Variants in BLTP1 observed in about 807,000 individuals in gnomAD.
BLTP1 encodes the protein fragile site-associated protein.
chr4:122,263,061 G>A, the BLTP1 span: 3 of 1,458,288 alleles, frequency 2.1e-6, no homozygotes, highest in African/African-American at 4.2e-5. Context: ...AGTTTAGTTA[G>A]ATATATACTT....
At chr4:122,297,584 T>C in the BLTP1 span, among the ~76,000 whole-genome samples, 2 of 152,156 alleles carry the variant, frequency 1.3e-5, no homozygotes, top group Non-Finnish European at 2.9e-5. Context: ...CATAAATCAT[T>C]CTATTGTAAA....
chr4:122,204,911 A>G, the BLTP1 span: 6 of 616,694 alleles, frequency 9.7e-6, no homozygotes, highest in African/African-American at 1.2e-4. Context: ...AATTTGATAA[A>G]TGGAATTTTC....
At chr4:122,251,091 G>A in the BLTP1 span, 1 of 985,188 alleles carries the variant, frequency 1.0e-6, no homozygotes, top group Non-Finnish European at 1.2e-6. Flanking sequence ...CAAATTTTTG[G>A]TTGAAGAAAT....
chr4:122,201,867 C>T, the BLTP1 span: 2 of 984,690 alleles, frequency 2.0e-6, no homozygotes, highest in Non-Finnish European at 2.4e-6. Flanking sequence ...TTGTTTTATA[C>T]AAGCGTCTCA....
At chr4:122,320,944 T>TTTTCTTA in the BLTP1 span, among the ~76,000 whole-genome samples, 56 of 152,050 alleles carry the variant, frequency 3.7e-4, no homozygotes, top group African/African-American at 1.3e-3. Context: ...ATTTTCTGTT[T>TTTTCTTA]TTTCTTAGCA....
chr4:122,215,837 C>CG, the BLTP1 span, among the ~76,000 whole-genome samples: 1 of 150,706 alleles, frequency 6.6e-6, no homozygotes, highest in African/African-American at 2.5e-5. Context: ...ATCCCTCACC[C>CG]CCCCCATCCT....
At chr4:122,299,862 A>G in the BLTP1 span, 2 of 985,098 alleles carry the variant, frequency 2.0e-6, no homozygotes, top group South Asian at 4.7e-5. Flanking sequence ...TAAGTTGAAG[A>G]AAAGAAAATG....
At chr4:122,201,828 A>G in the BLTP1 span, 1 of 970,678 alleles carries the variant, frequency 1.0e-6, no homozygotes, top group Non-Finnish European at 1.2e-6. Context: ...ACATTTATCC[A>G]TCCATCCATC....
chr4:122,238,484 T>C, the BLTP1 span: 1 of 664,400 alleles, frequency 1.5e-6, no homozygotes, highest in Non-Finnish European at 2.6e-6. Context: ...GAACATATTT[T>C]GAAATGTCAG....
the BLTP1 span, chr4:122,208,582 A>G: frequency 1.0e-6 from 1 of 969,574 alleles, no homozygotes; most frequent in Non-Finnish European, 1.2e-6. Context: ...AAGTTTTTTT[A>G]AAAACTGAAC....
At chr4:122,229,351 A>G in the BLTP1 span, 7 of 788,024 alleles carry the variant, frequency 8.9e-6, no homozygotes, top group Non-Finnish European at 1.1e-5. Context: ...GACAGCCACA[A>G]AATTTTAGGA....
the BLTP1 span, among the ~76,000 whole-genome samples, chr4:122,209,568 C>G: frequency 6.6e-6 from 1 of 152,110 alleles, no homozygotes; most frequent in Admixed American, 6.6e-5. Flanking sequence ...TGGCTTGAAC[C>G]CAGGAGGCGG....
At chr4:122,332,232 A>G in the BLTP1 span, among the ~76,000 whole-genome samples, 7 of 152,026 alleles carry the variant, frequency 4.6e-5, no homozygotes, top group African/African-American at 1.7e-4. Context: ...AAAGATTTCC[A>G]TAATAAAATA....
the BLTP1 span, chr4:122,244,172 G>T: frequency 1.1e-6 from 1 of 880,872 alleles, no homozygotes; most frequent in East Asian, 3.2e-5. Context: ...ATTATTGATA[G>T]CTATTTTGAT....
chr4:122,157,867 C>T, the BLTP1 span, among the ~76,000 whole-genome samples: 3 of 152,112 alleles, frequency 2.0e-5, no homozygotes, highest in African/African-American at 7.2e-5. Context: ...CCTAGCAACA[C>T]TCCAATTAAA....
the BLTP1 span, chr4:122,188,238 T>A: frequency 9.9e-7 from 1 of 1,011,336 alleles, no homozygotes; most frequent in East Asian, 3.3e-5. Context: ...GTAGTCCTTC[T>A]TTATAGGATA....
the BLTP1 span, chr4:122,229,928 T>C: frequency 6.2e-6 from 10 of 1,608,276 alleles, no homozygotes; most frequent in South Asian, 1.1e-4. Flanking sequence ...CATTCAATTT[T>C]AGATGGGTGC....
At chr4:122,313,829 T>C in the BLTP1 span, 143 of 399,426 alleles carry the variant, frequency 3.6e-4, 1 homozygote, top group South Asian at 0.011. Flanking sequence ...TGTATTTATT[T>C]AACAATTATT....
chr4:122,241,778 A>G, the BLTP1 span, among the ~76,000 whole-genome samples: 1 of 152,248 alleles, frequency 6.6e-6, no homozygotes, highest in Non-Finnish European at 1.5e-5. Context: ...ATGTTGGTAT[A>G]TGAATTTTCC....
Sources: allele counts gnomAD v4.1 joint callset (sites outside exome capture counted in the v4.1 genomes callset), GRCh38; gene constraint gnomAD v4.1.1; transcripts MANE v1.5; gene names NCBI Gene and HGNC (gene_info 2026-07-23, HGNC 2026-07-21).